The following WWTR1 variants were observed in gnomAD, a reference collection of about 807,000 sequenced individuals.
WWTR1 encodes the protein WW domain containing transcription regulator 1, also known as WW domain-containing transcription regulator protein 1.
In WWTR1, 13 loss-of-function variants were observed where a neutral mutation model predicts 40.1. The observed-to-expected ratio is 0.32, with a 90% CI of 0.21 to 0.52. The LOEUF (loss-of-function observed/expected upper bound fraction) is 0.52. Among genes scored for constraint, WWTR1 ranks in the 20% least tolerant of loss-of-function variants. The probability of loss-of-function intolerance (pLI) is 0.97; values close to 1 mark genes in which losing one functional copy is unlikely to be tolerated. For synonymous variants in WWTR1, 230 were observed against 210.1 expected (o/e 1.09, Z -0.82); for missense variants, 436 against 523.1 (o/e 0.83, Z 1.63).
chr3:149,524,624 A>G (rs1455322046), intron 6 of WWTR1, among the ~76,000 whole-genome samples: 1 of 152,206 alleles, frequency 6.6e-6, no homozygotes, highest in East Asian at 1.9e-4. Flanking sequence ...GTCACTCCTC[A>G]CAAGATAGTC....
At chr3:149,657,337 T>C in intron 1 of WWTR1, 28 bp from the exon 2 acceptor site, 1 of 1,583,246 alleles carries the variant, frequency 6.3e-7, no homozygotes, top group Non-Finnish European at 8.6e-7. Flanking sequence ...GATCAGCCTT[T>C]TATTTAAAGT....
chr3:149,602,759 G>A (rs1739295896), intron 2 of WWTR1, among the ~76,000 whole-genome samples: 1 of 152,126 alleles, frequency 6.6e-6, no homozygotes, highest in Admixed American at 6.5e-5. Flanking sequence ...CTGCTGTCCA[G>A]TTTCAAGAGA....
chr3:149,665,249 C>T (rs1368802363), intron 2 of WWTR1, among the ~76,000 whole-genome samples: 3 of 112,200 alleles, frequency 2.7e-5, no homozygotes, highest in Non-Finnish European at 5.2e-5. Context: ...TTTTTTGAGA[C>T]AGAGTCTTGC....
intron 3 of WWTR1, among the ~76,000 whole-genome samples, chr3:149,543,596 A>AAAAAAAAAAAAAAAAAAAAAAAT (rs1736233443): frequency 6.7e-6 from 1 of 149,454 alleles, no homozygotes; most frequent in Non-Finnish European, 1.5e-5. Context: ...AAAAAAAAAA[A>AAAAAAAAAAAAAAAAAAAAAAAT]AAAAAAAGAA....
chr3:149,630,299 T>C (rs1158229484), intron 2 of WWTR1, among the ~76,000 whole-genome samples: 1 of 152,210 alleles, frequency 6.6e-6, no homozygotes, highest in African/African-American at 2.4e-5. Flanking sequence ...ATAACTCATA[T>C]AAAATTACAG....
At chr3:149,616,940 A>G (rs1740002709) in intron 2 of WWTR1, among the ~76,000 whole-genome samples, 2 of 152,148 alleles carry the variant, frequency 1.3e-5, no homozygotes, top group South Asian at 4.2e-4. Flanking sequence ...GAGGGAGTAA[A>G]TGTTGCTTTA....
At position 149,518,487 on chromosome 3, in the gene WWTR1, A is replaced by C. The variant is rs1427337829; in HGVS notation, c.*2318T>G. The C allele has an allele frequency of 2.0e-5, 3 of 152,052 alleles. No individual in the cohort carries two copies. Among genetic ancestry groups the C allele is most frequent in the Non-Finnish European group, 2.9e-5 (2 of 68,022 alleles). 9.4% of individuals were successfully genotyped at this position (152,052 alleles called of 1,614,324 possible). On this transcript the variant is annotated 3_prime_UTR_variant, in exon 7 of 7. Transcript: ENST00000360632. The stretch of plus-strand genomic sequence containing the variant: ...TTATTTATTTTTAGCAAGAATGTAC[A>C]ATTCTTTTTGCAATTTTTTGCTAAC...
intron 2 of WWTR1, among the ~76,000 whole-genome samples, chr3:149,648,460 T>C (rs1046092164): frequency 2.0e-5 from 3 of 150,380 alleles, no homozygotes; most frequent in Admixed American, 1.3e-4. Flanking sequence ...AAAACAGTAA[T>C]ATGAGAGTGG....
At chr3:149,540,923 A>G in intron 4 of WWTR1, 1 of 417,306 alleles carries the variant, frequency 2.4e-6, no homozygotes, top group South Asian at 1.7e-5. Context: ...TATATCCTGG[A>G]ATGTATTTGA....
At chr3:149,714,748 C>T (rs1715560668) in intron 5 of WWTR1, among the ~76,000 whole-genome samples, 1 of 152,240 alleles carries the variant, frequency 6.6e-6, no homozygotes, top group Non-Finnish European at 1.5e-5. Flanking sequence ...AGCCTGGGGG[C>T]TGGGCTGCCA....
chr3:149,712,828 TC>T (rs1204507931), intron 5 of WWTR1, among the ~76,000 whole-genome samples: 4 of 152,194 alleles, frequency 2.6e-5, no homozygotes, highest in African/African-American at 9.7e-5. Context: ...CAATTACACT[TC>T]AGGACAATAT....
chr3:149,594,970 T>C (rs1446407539), intron 2 of WWTR1, among the ~76,000 whole-genome samples: 13 of 130,894 alleles, frequency 9.9e-5, no homozygotes, highest in African/African-American at 2.7e-4. Context: ...TTTTTTTTTT[T>C]TTTTTTTTTT....
At chr3:149,608,464 C>T (rs915767621) in intron 2 of WWTR1, among the ~76,000 whole-genome samples, 1 of 151,926 alleles carries the variant, frequency 6.6e-6, no homozygotes, top group African/African-American at 2.4e-5. Flanking sequence ...TGGCTCACTG[C>T]AACCTCCATC....
At chr3:149,604,249 G>T (rs942454446) in intron 2 of WWTR1, among the ~76,000 whole-genome samples, 12 of 152,264 alleles carry the variant, frequency 7.9e-5, no homozygotes, top group African/African-American at 2.9e-4. Flanking sequence ...AACACTGCCA[G>T]ACAATGGCTG....
chr3:149,661,493 C>T (rs1459481795), upstream of WWTR1: 2 of 151,730 alleles, frequency 1.3e-5, no homozygotes, highest in Non-Finnish European at 2.9e-5. Flanking sequence ...TTGATCTCAG[C>T]TCACTGCACC....
intron 2 of WWTR1, among the ~76,000 whole-genome samples, chr3:149,640,513 C>G (rs747583532): frequency 3.2e-4 from 49 of 152,088 alleles, no homozygotes; most frequent in Non-Finnish European, 4.9e-4. Flanking sequence ...CTCTGCCTCC[C>G]TGGTTCTAGT....
At chr3:149,720,755 A>C (rs549998508) in intron 4 of WWTR1, among the ~76,000 whole-genome samples, 2 of 152,246 alleles carry the variant, frequency 1.3e-5, no homozygotes, top group African/African-American at 4.8e-5. Context: ...CGTGAACATG[A>C]AATAGCTCTC....
intron 5 of WWTR1, among the ~76,000 whole-genome samples, chr3:149,709,960 C>T (rs1004770986): frequency 1.3e-5 from 2 of 152,110 alleles, no homozygotes; most frequent in Non-Finnish European, 2.9e-5. Flanking sequence ...GGAGACCAGA[C>T]CTGAGAAAGT....
chr3:149,654,674 T>G (rs999379430), intron 2 of WWTR1, among the ~76,000 whole-genome samples: 5 of 152,176 alleles, frequency 3.3e-5, no homozygotes, highest in African/African-American at 4.8e-5. Flanking sequence ...ATAAAGGAAT[T>G]TTTTTGTTTT....
Sources: allele counts gnomAD v4.1 joint callset (sites outside exome capture counted in the v4.1 genomes callset), GRCh38; gene constraint gnomAD v4.1.1; transcripts MANE v1.5; gene names NCBI Gene and HGNC (gene_info 2026-07-23, HGNC 2026-07-21).